NXN: variants seen among roughly 807,000 people sequenced by gnomAD.
NXN encodes nucleoredoxin 1.
Under a neutral mutation model 48.6 loss-of-function variants are expected in NXN, and 16 were observed. The ratio of observed to expected loss-of-function variants is 0.33; its 90% CI spans 0.22 to 0.50. NXN has a LOEUF of 0.50. Among genes scored for constraint, NXN ranks in the 20% least tolerant of loss-of-function variants. The pLI is 0.98. For synonymous variants in NXN, 281 were observed against 269.6 expected, an observed-to-expected ratio of 1.04 and a Z score of -0.41; for missense variants, 492 against 605.5, an observed-to-expected ratio of 0.81 and a Z score of 1.97.
intron 1 of NXN, among the ~76,000 whole-genome samples, chr17:891,320 G>A (rs566267621): frequency 6.6e-6 from 1 of 152,266 alleles, no homozygotes; most frequent in South Asian, 2.1e-4. Flanking sequence ...TCCCACCTTG[G>A]CCTCCCAAAG....
chr17:823,991 C>T (rs1228997563), intron 2 of NXN, among the ~76,000 whole-genome samples: 7 of 151,476 alleles, frequency 4.6e-5, no homozygotes, highest in African/African-American at 1.2e-4. Context: ...CTCCTGGCAA[C>T]GGTTCCCAAA....
intron 5 of NXN, among the ~76,000 whole-genome samples, chr17:812,715 AGT>A (rs1056582246): frequency 8.3e-5 from 10 of 119,912 alleles, no homozygotes; most frequent in Non-Finnish European, 1.6e-4. Flanking sequence ...TTTGCATGTG[AGT>A]GTAGGGTGTG....
At chr17:885,894 C>A (rs184994004) in intron 1 of NXN, among the ~76,000 whole-genome samples, 8 of 151,432 alleles carry the variant, frequency 5.3e-5, no homozygotes, top group Admixed American at 5.3e-4. Context: ...TTCACCGTGT[C>A]AGCCAGGATG....
intron 1 of NXN, among the ~76,000 whole-genome samples, chr17:826,425 G>A (rs201320143): frequency 3.3e-5 from 5 of 152,148 alleles, no homozygotes; most frequent in Non-Finnish European, 7.3e-5. Context: ...GGCTGATGGA[G>A]GACCACACTC....
chr17:818,413 C>G (rs770461920), intron 5 of NXN, among the ~76,000 whole-genome samples: 11 of 152,002 alleles, frequency 7.2e-5, no homozygotes, highest in Non-Finnish European at 1.3e-4. Context: ...TATTCATGCT[C>G]CCAACAATTC....
intron 1 of NXN, among the ~76,000 whole-genome samples, chr17:864,883 C>T (rs1318644442): frequency 6.6e-6 from 1 of 152,158 alleles, no homozygotes; most frequent in Non-Finnish European, 1.5e-5. Flanking sequence ...TGCCCTGAAC[C>T]CTTCTCTCTC....
In NXN at chr17:853,702, CATAT is replaced by C. The variant is rs571601948; in HGVS notation, c.361-27628_361-27625del. ...TACTTCTCACTATTTCTGTTATACACATATATATATATATATATATATTTTTTTT... is the reference window on the plus strand; with the variant it reads ...TACTTCTCACTATTTCTGTTATACACATATATATATATATATATTTTTTTT... On this transcript the variant is annotated intron_variant, in intron 1 of 7. Transcript: ENST00000336868. 4.7e-3 allele frequency among the ~76,000 whole-genome samples: 562 copies of C among 119,254 alleles called. 18 individuals carry two copies. Among genetic ancestry groups the C allele is most frequent in the Middle Eastern group, 0.02 (4 of 204 alleles). The allele number at this position is 119,254 out of a possible 152,430, so 78.2% of individuals were successfully genotyped here.
intron 1 of NXN, among the ~76,000 whole-genome samples, chr17:831,952 G>A (rs530870434): frequency 1.0e-5 from 1 of 98,122 alleles, no homozygotes; most frequent in Admixed American, 9.4e-5. Flanking sequence ...GTATTATTAA[G>A]GGATCACTAG....
chr17:912,394 T>C (rs1445326504), intron 1 of NXN, among the ~76,000 whole-genome samples: 1 of 152,088 alleles, frequency 6.6e-6, no homozygotes, highest in Non-Finnish European at 1.5e-5. Flanking sequence ...GGTCCACACA[T>C]TTTTAACTGT....
intron 1 of NXN, among the ~76,000 whole-genome samples, chr17:926,518 G>T (rs1206025872): frequency 6.9e-6 from 1 of 144,872 alleles, no homozygotes; most frequent in Non-Finnish European, 1.5e-5. Context: ...ATTAACAGGA[G>T]TATCCCATGT....
At chr17:813,827 G>A (rs1361346834) in intron 5 of NXN, among the ~76,000 whole-genome samples, 1 of 151,976 alleles carries the variant, frequency 6.6e-6, no homozygotes, top group Non-Finnish European at 1.5e-5. Flanking sequence ...TTAGCTGGGC[G>A]TAGTGGCAGG....
At chr17:921,173 G>A (rs2068747395) in intron 1 of NXN, among the ~76,000 whole-genome samples, 3 of 152,116 alleles carry the variant, frequency 2.0e-5, no homozygotes, top group African/African-American at 7.2e-5. Flanking sequence ...GCACACAGGG[G>A]AGCCCCTTCC....
intron 5 of NXN, among the ~76,000 whole-genome samples, chr17:815,724 C>T (rs2144620810): frequency 6.6e-6 from 1 of 152,360 alleles, no homozygotes; most frequent in Admixed American, 6.5e-5. Flanking sequence ...CTGCAAAGCG[C>T]AGGGCCTGTT....
At chr17:892,076 C>T (rs199836480) in intron 1 of NXN, among the ~76,000 whole-genome samples, 5 of 80,468 alleles carry the variant, frequency 6.2e-5, no homozygotes, top group African/African-American at 2.2e-4. Context: ...CCATGCACAA[C>T]CCAACAGGGA....
intron 1 of NXN, among the ~76,000 whole-genome samples, chr17:862,464 C>G (rs2068050779): frequency 6.6e-6 from 1 of 152,224 alleles, no homozygotes; most frequent in Admixed American, 6.5e-5. Context: ...TTAGAGGCTA[C>G]AGCGAGCTAT....
At chr17:815,640 C>T (rs1912430552) in intron 5 of NXN, among the ~76,000 whole-genome samples, 1 of 152,022 alleles carries the variant, frequency 6.6e-6, no homozygotes, top group Middle Eastern at 3.4e-3. Context: ...GTTTTGAAGG[C>T]GATGAGGCAC....
chr17:910,149 C>T (rs542096188), intron 1 of NXN, among the ~76,000 whole-genome samples: 6 of 152,286 alleles, frequency 3.9e-5, no homozygotes, highest in South Asian at 4.1e-4. Flanking sequence ...TGGCAGCTCA[C>T]GCCTGTAATC....
chr17:900,885 G>T (rs894370154), intron 1 of NXN, among the ~76,000 whole-genome samples: 2 of 149,598 alleles, frequency 1.3e-5, no homozygotes, highest in African/African-American at 4.9e-5. Context: ...AGAAAAGTGT[G>T]GACTTTATGA....
At chr17:954,923 G>C (rs1246072166) in intron 1 of NXN, among the ~76,000 whole-genome samples, 1 of 152,182 alleles carries the variant, frequency 6.6e-6, no homozygotes, top group Non-Finnish European at 1.5e-5. Context: ...CTGTTGTCCA[G>C]TGAGGTAACA....
Sources: gnomAD v4.1 joint callset for allele counts (sites outside exome capture counted in the v4.1 genomes callset) on GRCh38, gnomAD v4.1.1 for gene constraint, MANE v1.5 for transcripts, NCBI Gene and HGNC (gene_info 2026-07-23, HGNC 2026-07-21) for gene names.